The following APOC1 variants were observed in gnomAD, a reference collection of about 807,000 sequenced individuals.
APOC1 encodes the protein apolipoprotein C1.
In APOC1, 4 loss-of-function variants were observed where a neutral mutation model predicts 6.7. That is an observed-to-expected ratio of 0.60 (90% CI 0.29 to 1.37). APOC1 has a LOEUF of 1.37. APOC1 is among the 40% of genes most tolerant of loss of function. The pLI is 0.09. For missense variants in APOC1, 122 were observed against 99.4 expected (o/e 1.23, Z -0.97); for synonymous variants, 33 against 40.6 (o/e 0.81, Z 0.72).
chr19:44,918,339 T>G (rs1970043984), intron 3 of APOC1, among the ~76,000 whole-genome samples: 1 of 3,560 alleles, frequency 2.8e-4, no homozygotes, highest in Non-Finnish European at 5.3e-4. Context: ...AAGTGTTTCT[T>G]TTTTTTTTTT....
chr19:44,917,032 A>C (rs1970022989), intron 3 of APOC1, among the ~76,000 whole-genome samples: 1 of 151,402 alleles, frequency 6.6e-6, no homozygotes, highest in Admixed American at 6.6e-5. Context: ...GCTTGGCCAG[A>C]CCTGGGTCCC....
At chr19:44,917,396 A>C (rs999065956) in intron 3 of APOC1, among the ~76,000 whole-genome samples, 1 of 152,038 alleles carries the variant, frequency 6.6e-6, no homozygotes, top group Non-Finnish European at 1.5e-5. Context: ...CAGGAGTGCG[A>C]GAACCCCGTC....
chr19:44,916,210 A>G lies in APOC1; in HGVS notation c.79A>G (p.Thr27Ala). Residue 27 changes from threonine to alanine, a missense_variant, in exon 3 of 4, where the codon ACC becomes GCC. Physicochemically the swap from Thr to Ala is moderately conservative, Grantham distance 58 (BLOSUM62 0). Coordinates refer to ENST00000592535, the MANE Select transcript of APOC1 (RefSeq NM_001645.5). ...VLEGPAPAQG[T>A]PDVSSALDKL... ...GGCAGGCCCAGCCCCAGCCCAGGGGACCCCAGACGTCTCCAGTGCCTTGGA... is the reference window on the plus strand; with the variant it reads ...GGCAGGCCCAGCCCCAGCCCAGGGGGCCCCAGACGTCTCCAGTGCCTTGGA... The G allele has an allele frequency of 6.4e-7, 1 of 1,550,668 alleles. No individual in the cohort carries two copies. The highest frequency in any genetic ancestry group is 8.7e-7 in the Non-Finnish European group (1 of 1,143,110).
Position 44,919,318 on chromosome 19 carries a change from G to A in APOC1, c.*88G>A. 8.6e-7 allele frequency: 1 copy of A among 1,168,544 alleles called. No homozygotes were observed. The highest frequency in any genetic ancestry group is 1.3e-6 in the Non-Finnish European group (1 of 789,492). The allele number at this position is 1,168,544 out of a possible 1,614,324, so 72.4% of individuals were successfully genotyped here. A position where few individuals can be genotyped will look rare whatever the true frequency, so the allele number is the denominator to read the frequency against. On this transcript the variant is annotated 3_prime_UTR_variant, in exon 4 of 4. Transcript: ENST00000592535. ...TGAGGACTCCCTCCATGTGGCCCCA[G>A]GTGCCACCAATAAAAATCCTACAGA...
At chr19:44,915,233 G>A (rs1025962657) in intron 2 of APOC1, 2 of 513,692 alleles carry the variant, frequency 3.9e-6, no homozygotes, top group Non-Finnish European at 7.1e-6. Context: ...CTGGGTGGGG[G>A]GCTCTGGGAG....
chr19:44,914,808 TGGGAGGGA>T (rs1467223642), intron 1 of APOC1, 56 bp from the exon 2 acceptor site: 1 of 1,379,290 alleles, frequency 7.3e-7, no homozygotes, highest in Non-Finnish European at 1.0e-6. Flanking sequence ...GAGGGGATCG[TGGGAGGGA>T]GGTAGGGAGG....
At chr19:44,917,423 A>G (rs1599962261) in intron 3 of APOC1, among the ~76,000 whole-genome samples, 1 of 151,664 alleles carries the variant, frequency 6.6e-6, no homozygotes, top group Non-Finnish European at 1.5e-5. Flanking sequence ...AGAAATGCAA[A>G]AAAAATTAGC....
intron 3 of APOC1, among the ~76,000 whole-genome samples, chr19:44,918,600 A>G (rs943206028): frequency 6.6e-6 from 1 of 151,956 alleles, no homozygotes. Context: ...CATGGTCTCG[A>G]TCTCCTGACC....
At chr19:44,916,809 CAAAAAAAAAA>C (rs1160183813) in intron 3 of APOC1, among the ~76,000 whole-genome samples, 2 of 46,398 alleles carry the variant, frequency 4.3e-5, no homozygotes, top group Non-Finnish European at 7.0e-5. Flanking sequence ...GACTCTGTCT[CAAAAAAAAAA>C]AAAAAAAAAA....
chr19:44,915,354 C>A (rs1599959367), intron 2 of APOC1: 1 of 154,426 alleles, frequency 6.5e-6, no homozygotes, highest in African/African-American at 2.6e-5. Context: ...GACGGAGTCT[C>A]GCTCTGTCGC....
chr19:44,914,738 G>T lies in APOC1; in HGVS notation c.-21+5G>T. ...AGCCCTCCAGCAAGGATTCAGGTTG[G>T]TGCTGAGTGCCTGGGAGGGACACCC... is the stretch of plus-strand genomic sequence containing the variant. On this transcript the variant is annotated splice_donor_5th_base_variant and intron_variant, in intron 1 of 3. Coordinates refer to ENST00000592535, the MANE Select transcript of APOC1 (RefSeq NM_001645.5). The T allele has an allele frequency of 1.4e-6, 1 of 709,006 alleles. No individual in the cohort carries two copies. The highest frequency in any genetic ancestry group is 2.7e-5 in the East Asian group (1 of 36,768). The allele number at this position is 709,006 out of a possible 1,614,324, so 43.9% of individuals were successfully genotyped here. A position where few individuals can be genotyped will look rare whatever the true frequency, so the allele number is the denominator to read the frequency against.
At chr19:44,917,288 A>T (rs538976481) in intron 3 of APOC1, among the ~76,000 whole-genome samples, 2 of 152,302 alleles carry the variant, frequency 1.3e-5, no homozygotes, top group East Asian at 3.9e-4. Context: ...AACTGTTTCA[A>T]TGTGGGGAAT....
Position 44,919,339 on chromosome 19 carries a change from A to G in APOC1, c.*109A>G. 2.0e-6 allele frequency: 2 copies of G among 1,006,668 alleles called. No individual in the cohort carries two copies. Among genetic ancestry groups the G allele is most frequent in the Non-Finnish European group, 3.1e-6 (2 of 649,308 alleles). The allele number at this position is 1,006,668 out of a possible 1,614,324, so 62.4% of individuals were successfully genotyped here. On this transcript the variant is annotated 3_prime_UTR_variant, in exon 4 of 4. Coordinates refer to ENST00000592535, the MANE Select transcript of APOC1 (RefSeq NM_001645.5). ...CCCAGGTGCCACCAATAAAAATCCT[A>G]CAGAAAATTCTCTCCTGAGTGCTTC...
At chr19:44,918,065 CGA>C (rs1259652693) in intron 3 of APOC1, among the ~76,000 whole-genome samples, 2 of 152,004 alleles carry the variant, frequency 1.3e-5, no homozygotes, top group East Asian at 3.9e-4. Flanking sequence ...GTCAGGAGTT[CGA>C]GACTAGCCTG....
chr19:44,914,785 C>CA, intron 1 of APOC1, 52 bp downstream of exon 1: 2 of 1,199,002 alleles, frequency 1.7e-6, no homozygotes, highest in Admixed American at 3.9e-5. Flanking sequence ...GCAAGAAACT[C>CA]AAAAAGGGAG....
Position 44,914,713 on chromosome 19 carries a change from A to G in APOC1, c.-41A>G. ...CGGGCAGGACAGGACCTCCCAACCA[A>G]GCCCTCCAGCAAGGATTCAGGTTGG... On this transcript the variant is annotated 5_prime_UTR_variant, in exon 1 of 4. Coordinates refer to ENST00000592535, the MANE Select transcript of APOC1 (RefSeq NM_001645.5). The G allele has an allele frequency of 1.6e-6, 1 of 615,472 alleles. No homozygotes were observed. Among genetic ancestry groups the G allele is most frequent in the East Asian group, 2.8e-5 (1 of 35,898 alleles). The allele number at this position is 615,472 out of a possible 1,614,324, so 38.1% of individuals were successfully genotyped here. A position where few individuals can be genotyped will look rare whatever the true frequency, so the allele number is the denominator to read the frequency against.
At chr19:44,916,483 C>A (rs1490600467) in intron 3 of APOC1, 158 bp downstream of exon 3, 5 of 970,908 alleles carry the variant, frequency 5.1e-6, no homozygotes, top group Admixed American at 3.1e-5. Flanking sequence ...GCTCAGACTT[C>A]AAGGACAGTT....
At position 44,915,010 on chromosome 19, in the gene APOC1, G is replaced by T. The variant is rs1293199040; in HGVS notation, c.58+61G>T. 12 of 1,513,336 alleles carry T rather than the reference G, an allele frequency of 7.9e-6. No individual in the cohort carries two copies. The South Asian group carries it at 1.1e-4, about 14-fold the overall frequency. The allele number at this position is 1,513,336 out of a possible 1,614,324, so 93.7% of individuals were successfully genotyped here. A position where few individuals can be genotyped will look rare whatever the true frequency, so the allele number is the denominator to read the frequency against. On this transcript the variant is annotated intron_variant, in intron 2 of 3. Transcript: ENST00000592535. ...TTTGGAAGAGTGAAGGTGGCTACAG[G>T]CCTGGGGTCCCGGCTTAGAGGACCT...
intron 3 of APOC1, among the ~76,000 whole-genome samples, chr19:44,917,350 A>G (rs565948880): frequency 2.6e-5 from 4 of 152,324 alleles, no homozygotes; most frequent in African/African-American, 7.2e-5. Context: ...TAACCCCACC[A>G]CTTTGGAAGG....
Sources: gnomAD v4.1 joint callset for allele counts (sites outside exome capture counted in the v4.1 genomes callset) on GRCh38, gnomAD v4.1.1 for gene constraint, MANE v1.5 for transcripts, NCBI Gene and HGNC (gene_info 2026-07-23, HGNC 2026-07-21) for gene names.